TEK: variants seen among roughly 807,000 people sequenced by gnomAD.
TEK encodes the protein angiopoietin-1 receptor.
Under a neutral mutation model 131.8 loss-of-function variants are expected in TEK, and 43 were observed. The ratio of observed to expected loss-of-function variants is 0.33; its 90% CI spans 0.26 to 0.42. TEK has a LOEUF of 0.42. Among genes scored for constraint, TEK ranks in the 10% least tolerant of loss-of-function variants. The probability of loss-of-function intolerance (pLI) is 1.00; values close to 1 mark genes in which losing one functional copy is unlikely to be tolerated. For missense variants in TEK, 1,162 were observed against 1,384.4 expected, an observed-to-expected ratio of 0.84 and a Z score of 2.55; for synonymous variants, 580 against 491.6, an observed-to-expected ratio of 1.18 and a Z score of -2.38.
At chr9:27,227,985 C>A (rs1363205518) in intron 21 of TEK, among the ~76,000 whole-genome samples, 2 of 152,058 alleles carry the variant, frequency 1.3e-5, no homozygotes, top group Admixed American at 6.6e-5. Context: ...AGACCAAGGT[C>A]CTGCAGAAAC....
intron 9 of TEK, among the ~76,000 whole-genome samples, chr9:27,188,406 G>A (rs1244334296): frequency 1.3e-5 from 2 of 152,190 alleles, no homozygotes; most frequent in East Asian, 1.9e-4. Context: ...AGATTACTAA[G>A]AGGAAGCCTT....
rs192184134 is a variant in TEK, at chr9:27,212,203, G to A, written c.2687-504G>A. 2.7e-3 allele frequency among the ~76,000 whole-genome samples: 416 copies of A among 152,248 alleles called. 3 individuals carry two copies. The highest frequency in any genetic ancestry group is 5.1e-3 in the Non-Finnish European group (344 of 68,008). Reference sequence around the variant, plus strand: ...GATGGGTTTTGAGGAGGAGTAGAAGGCAGGAGAGACAATTACCTGTTGTGG... The same window carrying A: ...GATGGGTTTTGAGGAGGAGTAGAAGACAGGAGAGACAATTACCTGTTGTGG... On this transcript the variant is annotated intron_variant, in intron 16 of 22. Transcript: ENST00000380036.
chr9:27,166,154 TCTTA>T (rs1823724430), intron 2 of TEK, among the ~76,000 whole-genome samples: 2 of 152,232 alleles, frequency 1.3e-5, no homozygotes, highest in South Asian at 4.1e-4. Context: ...TTATAGGAAT[TCTTA>T]CTTTGGGGGA....
At chr9:27,119,673 C>T (rs1486789204) in intron 1 of TEK, among the ~76,000 whole-genome samples, 2 of 152,116 alleles carry the variant, frequency 1.3e-5, no homozygotes, top group Non-Finnish European at 2.9e-5. Flanking sequence ...ATTGGGCTCC[C>T]AACCTTTTTC....
At chr9:27,110,518 C>A (rs1022630389) in intron 1 of TEK, among the ~76,000 whole-genome samples, 6 of 152,122 alleles carry the variant, frequency 3.9e-5, no homozygotes, top group Non-Finnish European at 7.3e-5. Context: ...TCAGTCTCTC[C>A]CCTTCGGTTT....
At chr9:27,179,925 C>G (rs181755553) in intron 6 of TEK, among the ~76,000 whole-genome samples, 60 of 152,282 alleles carry the variant, frequency 3.9e-4, no homozygotes, top group African/African-American at 2.4e-5. Flanking sequence ...TTCCCATCTT[C>G]CAAATTTCAA....
intron 11 of TEK, 96 bp downstream of exon 11, chr9:27,192,719 G>A: frequency 1.2e-6 from 1 of 827,824 alleles, no homozygotes; most frequent in South Asian, 1.5e-5. Flanking sequence ...TGGTGGGTGA[G>A]TGGGTGGGTG....
intron 16 of TEK, among the ~76,000 whole-genome samples, chr9:27,212,449 C>T (rs1397074031): frequency 2.0e-5 from 3 of 152,086 alleles, no homozygotes; most frequent in Non-Finnish European, 4.4e-5. Context: ...TCAGGAAGCC[C>T]TCTGTGTGAG....
intron 2 of TEK, among the ~76,000 whole-genome samples, chr9:27,160,059 G>A (rs1018524455): frequency 9.0e-6 from 1 of 110,514 alleles, no homozygotes; most frequent in African/African-American, 3.5e-5. Flanking sequence ...GGGTCTTGCT[G>A]TTGCCCAGGC....
At chr9:27,154,279 C>G (rs1403416513) in intron 1 of TEK, among the ~76,000 whole-genome samples, 1 of 152,204 alleles carries the variant, frequency 6.6e-6, no homozygotes, top group Non-Finnish European at 1.5e-5. Flanking sequence ...AACCTGTCAT[C>G]TACATTAGGT....
chr9:27,152,385 C>T (rs1321074373), intron 1 of TEK, among the ~76,000 whole-genome samples: 1 of 149,582 alleles, frequency 6.7e-6, no homozygotes, highest in Admixed American at 6.7e-5. Flanking sequence ...TTGATTTCAT[C>T]TGCAGCTGTA....
rs1453258373 is a variant in TEK at position 27,158,066 on chromosome 9, C to A, written c.288C>A (p.Ile96=). The part of the protein sequence containing the change: ...VVWKREKASK[I]NGAYFCEGRV... ...GGAAGAGAGAAAAGGCTAGTAAGAT[C>A]AATGGTGCTTATTTCTGTGAAGGGC... The change falls in exon 2 of 23, where the codon ATC becomes ATA. Residue 96 remains isoleucine, a synonymous_variant. Transcript: ENST00000380036. The A allele has an allele frequency of 1.2e-6, 2 of 1,613,958 alleles. No individual in the cohort carries two copies. Among genetic ancestry groups the A allele is most frequent in the Admixed American group, 1.7e-5 (1 of 59,990 alleles).
Position 27,183,465 on chromosome 9 carries a change from A to C in TEK, c.1037A>C (p.Gln346Pro), listed in dbSNP as rs682632. Residue 346 changes from glutamine to proline, a missense_variant, in exon 8 of 23, where the codon CAG becomes CCG. Around this residue, in one of 6 missense-constraint regions of TEK, gnomAD observed 436 missense variants for 539.1 expected, o/e 0.81. Transcript: ENST00000380036. ...QGLQCEREGI[Q>P]RMTPKIVDLP... ...TGCTGTTTTCTTCCTTCAGGCATAC[A>C]GAGGATGACCCCAAAGATAGTGGAT... The C allele has an allele frequency of 0.97, 1,559,828 of 1,613,674 alleles. 754,068 individuals carry two copies. Among genetic ancestry groups the C allele is most frequent in the East Asian group, 1 (44,871 of 44,874 alleles).
At position 27,184,922 on chromosome 9, in the gene TEK, C is replaced by T. The variant is rs1027190845; in HGVS notation, c.1183-563C>T. 3.3e-5 allele frequency among the ~76,000 whole-genome samples: 5 copies of T among 152,090 alleles called. No individual in the cohort carries two copies. The East Asian group carries it at 9.7e-4, about 29-fold the overall frequency. ...GGACATGGTGGCATATACCTGTAGT[C>T]CCAGCTACTTGGGTGAGGTGGGGGG... On this transcript the variant is annotated intron_variant, in intron 8 of 22. Transcript: ENST00000380036.
intron 1 of TEK, among the ~76,000 whole-genome samples, chr9:27,110,525 G>T (rs1821298583): frequency 6.6e-6 from 1 of 152,102 alleles, no homozygotes; most frequent in East Asian, 1.9e-4. Flanking sequence ...CTCCCCTTCG[G>T]TTTGAAAACA....
At chr9:27,182,804 T>C (rs669102) in intron 7 of TEK, among the ~76,000 whole-genome samples, 96,692 of 152,116 alleles carry the variant, frequency 0.64, 31,188 homozygotes, top group African/African-American at 0.74. Flanking sequence ...TTATTGACAC[T>C]ACAGACATTT....
At position 27,229,554 on chromosome 9, in the gene TEK, T is replaced by G. The variant is rs533869406; in HGVS notation, c.*322T>G. Reference sequence around the variant, plus strand: ...ATTAGTATAATGCATAACTCATTGTTGTCCTAGATATTTTGATATTTACCT... The same window carrying G: ...ATTAGTATAATGCATAACTCATTGTGGTCCTAGATATTTTGATATTTACCT... On this transcript the variant is annotated 3_prime_UTR_variant, in exon 23 of 23. Coordinates refer to ENST00000380036, the MANE Select transcript of TEK (RefSeq NM_000459.5). 123 of 347,816 alleles carry G rather than the reference T, an allele frequency of 3.5e-4. 1 individual carries two copies. The highest frequency in any genetic ancestry group is 1.8e-3 in the Middle Eastern group (2 of 1,132). The allele number at this position is 347,816 out of a possible 1,614,324, so 21.5% of individuals were successfully genotyped here.
intron 11 of TEK, among the ~76,000 whole-genome samples, chr9:27,193,020 C>T (rs1015019616): frequency 6.6e-6 from 1 of 152,166 alleles, no homozygotes; most frequent in African/African-American, 2.4e-5. Context: ...CAGGCTCTTG[C>T]CACAGGCATA....
chr9:27,137,775 C>T (rs1822537264), intron 1 of TEK, among the ~76,000 whole-genome samples: 1 of 152,132 alleles, frequency 6.6e-6, no homozygotes, highest in African/African-American at 2.4e-5. Context: ...ATCTTTTAGA[C>T]TTCTCATTTT....
Sources: allele counts gnomAD v4.1 joint callset (sites outside exome capture counted in the v4.1 genomes callset), GRCh38; gene constraint gnomAD v4.1.1; regional missense constraint gnomAD v4.1.1; transcripts MANE v1.5; gene names NCBI Gene and HGNC (gene_info 2026-07-23, HGNC 2026-07-21).